The following ARHGAP15 variants were observed in gnomAD, a reference collection of about 807,000 sequenced individuals.
ARHGAP15 encodes the protein rho GTPase-activating protein 15.
A neutral mutation model predicts 63.7 loss-of-function variants in ARHGAP15; 51 were observed. That is an observed-to-expected ratio of 0.80 (90% CI 0.64 to 1.01). The LOEUF (loss-of-function observed/expected upper bound fraction) is 1.01. Among genes scored for constraint, ARHGAP15 ranks in the 50% least tolerant of loss-of-function variants. ARHGAP15 has a pLI of 0.00. For missense variants in ARHGAP15, 560 were observed against 564.6 expected, an observed-to-expected ratio of 0.99 and a Z score of 0.08; for synonymous variants, 191 against 193.8, an observed-to-expected ratio of 0.99 and a Z score of 0.12.
At chr2:143,192,544 T>C (rs939719843) in intron 2 of ARHGAP15, among the ~76,000 whole-genome samples, 2 of 152,244 alleles carry the variant, frequency 1.3e-5, no homozygotes, top group Non-Finnish European at 2.9e-5. Context: ...CTTATGTCTG[T>C]CTGCTGTCTG....
intron 12 of ARHGAP15, among the ~76,000 whole-genome samples, chr2:143,629,717 C>T (rs1219969930): frequency 1.3e-5 from 2 of 152,098 alleles, no homozygotes; most frequent in African/African-American, 2.4e-5. Flanking sequence ...AACTCATTGG[C>T]ATTTCTAATA....
intron 10 of ARHGAP15, among the ~76,000 whole-genome samples, chr2:143,536,372 G>C (rs1159813020): frequency 6.6e-6 from 1 of 151,886 alleles, no homozygotes; most frequent in African/African-American, 2.4e-5. Context: ...TGTCACAAAA[G>C]CAGGATTTTT....
chr2:143,603,816 T>C (rs1396774448), intron 11 of ARHGAP15, among the ~76,000 whole-genome samples: 1 of 152,182 alleles, frequency 6.6e-6, no homozygotes, highest in Non-Finnish European at 1.5e-5. Context: ...AAAGTAGTTA[T>C]CCATATTAGC....
chr2:143,485,615 A>G (rs1463411160), intron 8 of ARHGAP15, among the ~76,000 whole-genome samples: 1 of 151,790 alleles, frequency 6.6e-6, no homozygotes, highest in Non-Finnish European at 1.5e-5. Flanking sequence ...CTGTACCCCA[A>G]CCTCCACCCT....
chr2:143,661,133 G>A (rs1207136440), intron 12 of ARHGAP15, among the ~76,000 whole-genome samples: 1 of 152,116 alleles, frequency 6.6e-6, no homozygotes, highest in Non-Finnish European at 1.5e-5. Context: ...GTCTCTCACT[G>A]ACCACAACAA....
intron 8 of ARHGAP15, among the ~76,000 whole-genome samples, chr2:143,456,723 T>C (rs1279238463): frequency 6.6e-6 from 1 of 151,968 alleles, no homozygotes; most frequent in East Asian, 1.9e-4. Context: ...CAGAACACAT[T>C]CTATTATACC....
chr2:143,655,615 AG>A (rs1256339297), intron 12 of ARHGAP15, among the ~76,000 whole-genome samples: 1 of 152,328 alleles, frequency 6.6e-6, no homozygotes, highest in Admixed American at 6.5e-5. Flanking sequence ...CAAGGATTTT[AG>A]CTTTTGTATA....
intron 3 of ARHGAP15, among the ~76,000 whole-genome samples, chr2:143,204,425 T>C (rs1053130150): frequency 2.6e-5 from 4 of 152,022 alleles, no homozygotes; most frequent in Non-Finnish European, 5.9e-5. Context: ...CTCTTCTGGG[T>C]TGCAAACAGC....
In ARHGAP15 at chr2:143,180,942, G is replaced by T. The variant is rs539477104; in HGVS notation, c.166-21192G>T. ...TCGCCTCGGCCTCCCAAAGTGCTGG[G>T]ATTACAGGTGTGAGCCACTGTACCC... On this transcript the variant is annotated intron_variant, in intron 2 of 13. Transcript: ENST00000295095. Among the ~76,000 whole-genome samples, 7 of 152,254 alleles carry T rather than the reference G, an allele frequency of 4.6e-5. No homozygotes were observed. In the South Asian group the frequency reaches 1.5e-3, roughly 32 times the overall value.
At chr2:143,534,685 C>A (rs1694672567) in intron 10 of ARHGAP15, among the ~76,000 whole-genome samples, 1 of 151,958 alleles carries the variant, frequency 6.6e-6, no homozygotes, top group Admixed American at 6.6e-5. Flanking sequence ...TCGAGATCAA[C>A]CTGGGCAACA....
intron 1 of ARHGAP15, among the ~76,000 whole-genome samples, chr2:143,131,055 A>T (rs2104975405): frequency 6.6e-6 from 1 of 152,312 alleles, no homozygotes; most frequent in Non-Finnish European, 1.5e-5. Flanking sequence ...AATTTTTTAA[A>T]TTGTTTAATG....
chr2:143,696,248 C>A (rs527930104), intron 12 of ARHGAP15, among the ~76,000 whole-genome samples: 1 of 152,042 alleles, frequency 6.6e-6, no homozygotes, highest in East Asian at 1.9e-4. Context: ...TATTATGACA[C>A]CTTTTGTAAT....
chr2:143,216,279 C>CTTT (rs772555883), intron 3 of ARHGAP15, 105 bp from the exon 4 acceptor site: 22 of 830,580 alleles, frequency 2.6e-5, no homozygotes, highest in Non-Finnish European at 3.5e-5. Flanking sequence ...AGTTCTATGA[C>CTTT]TGAAAACTTC....
intron 6 of ARHGAP15, among the ~76,000 whole-genome samples, chr2:143,382,059 T>TCTTTCCTTCCTTCCTTCCTTC (rs1205088877): frequency 2.0e-5 from 3 of 149,408 alleles, no homozygotes; most frequent in Non-Finnish European, 3.0e-5. Context: ...CTTTCTTGCT[T>TCTTTCCTTCCTTCCTTCCTTC]CTTTCCTTCC....
At chr2:143,430,061 A>C (rs1277358953) in intron 6 of ARHGAP15, among the ~76,000 whole-genome samples, 1 of 152,082 alleles carries the variant, frequency 6.6e-6, no homozygotes, top group Non-Finnish European at 1.5e-5. Context: ...GACTGCTATC[A>C]TTGTTTGCTA....
intron 6 of ARHGAP15, among the ~76,000 whole-genome samples, chr2:143,256,820 C>A (rs1680452280): frequency 6.6e-6 from 1 of 151,860 alleles, no homozygotes; most frequent in African/African-American, 2.4e-5. Flanking sequence ...AGATTGAGTG[C>A]AAATGATAGA....
chr2:143,427,544 T>C (rs1466135438), intron 6 of ARHGAP15, among the ~76,000 whole-genome samples: 1 of 151,848 alleles, frequency 6.6e-6, no homozygotes, highest in Admixed American at 6.6e-5. Context: ...ATATTTAGGG[T>C]GAGATTCTTA....
chr2:143,611,253 T>G (rs1183135458), intron 11 of ARHGAP15, among the ~76,000 whole-genome samples: 2 of 152,182 alleles, frequency 1.3e-5, no homozygotes, highest in Non-Finnish European at 2.9e-5. Flanking sequence ...TTCCAGGGCA[T>G]AAACTTGAAT....
At chr2:143,183,488 G>T (rs1367318756) in intron 2 of ARHGAP15, among the ~76,000 whole-genome samples, 1 of 152,078 alleles carries the variant, frequency 6.6e-6, no homozygotes, top group African/African-American at 2.4e-5. Context: ...ACCATCAGAG[G>T]CTACAATTTT....
Sources: allele counts gnomAD v4.1 joint callset (sites outside exome capture counted in the v4.1 genomes callset), GRCh38; gene constraint gnomAD v4.1.1; transcripts MANE v1.5; gene names NCBI Gene and HGNC (gene_info 2026-07-23, HGNC 2026-07-21).